Variants in ZNF536 observed in about 807,000 individuals in gnomAD.
ZNF536 encodes the protein zinc finger protein 536.
Under a neutral mutation model 84.5 loss-of-function variants are expected in ZNF536, and 13 were observed. That is an observed-to-expected ratio of 0.15 (90% CI 0.10 to 0.24). The LOEUF (loss-of-function observed/expected upper bound fraction) is 0.24, where lower values mean the gene tolerates loss of function less well. Among genes scored for constraint, ZNF536 ranks in the 10% least tolerant of loss-of-function variants. ZNF536 has a pLI of 1.00. For missense variants in ZNF536, 1,536 were observed against 1,747.5 expected (o/e 0.88, Z 2.16); for synonymous variants, 811 against 742.5 (o/e 1.09, Z -1.50).
intron 2 of ZNF536, among the ~76,000 whole-genome samples, chr19:30,312,738 C>T (rs1328645765): frequency 2.0e-5 from 3 of 152,190 alleles, no homozygotes; most frequent in Non-Finnish European, 4.4e-5. Context: ...AGGATGTGTG[C>T]TATGCAGTTG....
At chr19:30,693,032 G>A (rs1373622405) in intron 1 of ZNF536, among the ~76,000 whole-genome samples, 2 of 151,578 alleles carry the variant, frequency 1.3e-5, no homozygotes, top group African/African-American at 2.4e-5. Flanking sequence ...GGGAGAGAGA[G>A]AGAGAGAGAG....
chr19:30,369,555 T>C (rs1421252162), upstream of ZNF536, among the ~76,000 whole-genome samples: 2 of 152,192 alleles, frequency 1.3e-5, no homozygotes, highest in African/African-American at 4.8e-5. Context: ...TTTGACTGGC[T>C]GTTGCTTTGA....
chr19:30,474,331 C>CTCTCTG (rs1555777265), intron 2 of ZNF536, among the ~76,000 whole-genome samples: 3 of 151,194 alleles, frequency 2.0e-5, no homozygotes, highest in Admixed American at 1.3e-4. Context: ...CTCTCTCTCT[C>CTCTCTG]TGTGTGTGTG....
chr19:30,279,419 AC>A lies in ZNF536; in HGVS notation c.-189-4648del, dbSNP rs1157630492. Reference sequence around the variant, plus strand: ...CTCCCTGGGAGCTTTCCACACCAGGACCCCCTTCCTGTTGGAAATCTGTAGC... The same window carrying A: ...CTCCCTGGGAGCTTTCCACACCAGGACCCCTTCCTGTTGGAAATCTGTAGC... On this transcript the variant is annotated intron_variant, in intron 1 of 5. Transcript: ENST00000585628. Among the ~76,000 whole-genome samples, 5 of 151,132 alleles carry A rather than the reference AC, an allele frequency of 3.3e-5. No homozygotes were observed. The East Asian group carries it at 7.8e-4, about 24-fold the overall frequency.
intron 3 of ZNF536, 54 bp downstream of exon 3, chr19:30,535,053 G>T: frequency 6.5e-7 from 1 of 1,545,934 alleles, no homozygotes; most frequent in Non-Finnish European, 8.7e-7. Flanking sequence ...GGAGGTCCCC[G>T]TCCTGCCTGC....
chr19:30,226,861 C>T (rs969643355), upstream of ZNF536, among the ~76,000 whole-genome samples: 3 of 151,984 alleles, frequency 2.0e-5, no homozygotes, highest in African/African-American at 7.2e-5. This position sits in a 1 kb window ranked among gnomAD's most constrained non-coding sequence, Gnocchi z 4.6. Flanking sequence ...CCCCCCAGCG[C>T]AGATGCATGA....
chr19:30,547,484 G>A (rs532552073), intron 3 of ZNF536, among the ~76,000 whole-genome samples: 20 of 152,052 alleles, frequency 1.3e-4, no homozygotes, highest in Admixed American at 3.9e-4. Flanking sequence ...TCAGTCTTGC[G>A]TAACAGTGCC....
chr19:30,329,688 C>G (rs1301858563), intron 2 of ZNF536, among the ~76,000 whole-genome samples: 2 of 152,212 alleles, frequency 1.3e-5, no homozygotes. Flanking sequence ...CTCTCCCTCT[C>G]TGCACCCAGC....
intron 2 of ZNF536, among the ~76,000 whole-genome samples, chr19:30,524,017 C>T (rs1185965829): frequency 6.6e-6 from 1 of 152,220 alleles, no homozygotes; most frequent in Non-Finnish European, 1.5e-5. Flanking sequence ...ACCTGCACTC[C>T]ACGGAGGGGC....
chr19:30,310,586 G>A (rs2046468082), intron 2 of ZNF536, among the ~76,000 whole-genome samples: 1 of 152,180 alleles, frequency 6.6e-6, no homozygotes, highest in Admixed American at 6.5e-5. Flanking sequence ...TTTCATTTAA[G>A]GCGAAAAGTG....
intron 1 of ZNF536, among the ~76,000 whole-genome samples, chr19:30,270,396 A>G (rs367848050): frequency 6.3e-4 from 96 of 152,370 alleles, no homozygotes; most frequent in African/African-American, 2.2e-3. Flanking sequence ...CTGATACTTT[A>G]CTAATCAGAA....
chr19:30,456,002 C>T lies in ZNF536; in HGVS notation c.2170+10270C>T, dbSNP rs550175747. On this transcript the variant is annotated intron_variant, in intron 2 of 4. Coordinates refer to ENST00000355537, the MANE Select transcript of ZNF536 (RefSeq NM_014717.3). ...TAAAGAACCAGCTAATGAGTATTTT[C>T]GGCTTTGGGGGCCATGTGGTTTCTG... Among the ~76,000 whole-genome samples, 292 of 152,252 alleles carry T rather than the reference C, an allele frequency of 1.9e-3. 2 individuals carry two copies. Among genetic ancestry groups the T allele is most frequent in the African/African-American group, 3.8e-3 (160 of 41,560 alleles).
In ZNF536 at chr19:30,569,558, T is replaced by C. The variant is rs182772800; in HGVS notation, c.169+20044T>C. On this transcript the variant is annotated intron_variant, in intron 1 of 1. Coordinates refer to the ZNF536 transcript ENST00000592773. Reference sequence around the variant, plus strand: ...GATGGAATCGAAGCCAGATAAACGTTCTTTTTTTTTTTTTTTTTTTTTTTT... The same window carrying C: ...GATGGAATCGAAGCCAGATAAACGTCCTTTTTTTTTTTTTTTTTTTTTTTT... Among the ~76,000 whole-genome samples, 525 of 136,038 alleles carry C rather than the reference T, an allele frequency of 3.9e-3. 2 individuals are homozygous for C. The highest frequency in any genetic ancestry group is 0.014 in the African/African-American group (489 of 35,470). 89.2% of individuals were successfully genotyped at this position (136,038 alleles called of 152,430 possible).
At chr19:30,481,975 A>G (rs1055856888) in intron 2 of ZNF536, among the ~76,000 whole-genome samples, 3 of 152,200 alleles carry the variant, frequency 2.0e-5, no homozygotes, top group African/African-American at 7.2e-5. Context: ...AACTTCATCC[A>G]AGTTGTTGCA....
chr19:30,439,959 C>CTTTTTTTTTTTTTTTTTTTTTTTTT (rs199638233), intron 1 of ZNF536, among the ~76,000 whole-genome samples: 1 of 96,394 alleles, frequency 1.0e-5, no homozygotes, highest in African/African-American at 4.5e-5. Flanking sequence ...TTCTTTCTTT[C>CTTTTTTTTTTTTTTTTTTTTTTTTT]TTTTTTTTTT....
At chr19:30,442,563 A>G (rs2148127976) in intron 1 of ZNF536, among the ~76,000 whole-genome samples, 1 of 152,276 alleles carries the variant, frequency 6.6e-6, no homozygotes, top group East Asian at 1.9e-4. Context: ...CCTGCTTTGG[A>G]TATCTTGCCA....
Position 30,410,465 on chromosome 19 carries a change from C to CTTTTTTTTTTTTTTTTTT in ZNF536, c.-2-33086_-2-33069dup, listed in dbSNP as rs201561646. 6.5e-5 allele frequency among the ~76,000 whole-genome samples: 8 copies of CTTTTTTTTTTTTTTTTTT among 122,622 alleles called. 1 individual carries two copies. Among genetic ancestry groups the CTTTTTTTTTTTTTTTTTT allele is most frequent in the African/African-American group, 3.2e-4 (8 of 24,972 alleles). The allele number at this position is 122,622 out of a possible 152,430, so 80.4% of individuals were successfully genotyped here. A position where few individuals can be genotyped will look rare whatever the true frequency, so the allele number is the denominator to read the frequency against. ...TAAATAAACAATGAAAAGTGAAGGT[C>CTTTTTTTTTTTTTTTTTT]TTTTTTTTTTTTTTTTTTTTTTTTT... On this transcript the variant is annotated intron_variant, in intron 1 of 4. Coordinates refer to ENST00000355537, the MANE Select transcript of ZNF536 (RefSeq NM_014717.3).
chr19:30,409,416 CCTGT>C (rs1194639445), intron 1 of ZNF536, among the ~76,000 whole-genome samples: 1 of 152,112 alleles, frequency 6.6e-6, no homozygotes, highest in African/African-American at 2.4e-5. Context: ...TGGGAGGCGC[CCTGT>C]CTAATTTTCT....
At chr19:30,704,578 C>G (rs1170521669) in intron 1 of ZNF536, among the ~76,000 whole-genome samples, 1 of 140,464 alleles carries the variant, frequency 7.1e-6, no homozygotes, top group Non-Finnish European at 1.5e-5. Context: ...ACCCGGGAGG[C>G]AGAGGTTGCA....
Sources: allele counts gnomAD v4.1 joint callset (sites outside exome capture counted in the v4.1 genomes callset), GRCh38; gene constraint gnomAD v4.1.1; non-coding constraint Gnocchi (gnomAD v3.1); transcripts MANE v1.5; gene names NCBI Gene and HGNC (gene_info 2026-07-23, HGNC 2026-07-21).